The following CWC27 variants were observed in gnomAD, a reference collection of about 807,000 sequenced individuals.
CWC27 encodes the protein CWC27 spliceosome associated cyclophilin.
CWC27 carries 47 observed loss-of-function variants against 63.6 expected under a neutral mutation model. The ratio of observed to expected loss-of-function variants is 0.74; its 90% CI spans 0.58 to 0.94. The LOEUF is 0.94. Ranked by LOEUF, CWC27 falls within the 40% of genes least tolerant of loss-of-function variation. CWC27 has a pLI of 0.00. For synonymous variants in CWC27, 175 were observed against 179.8 expected (o/e 0.97, Z 0.22); for missense variants, 495 against 554.3 (o/e 0.89, Z 1.07).
chr5:64,986,323 T>G (rs2112454169), intron 13 of CWC27, among the ~76,000 whole-genome samples: 1 of 151,374 alleles, frequency 6.6e-6, no homozygotes, highest in Middle Eastern at 3.4e-3. Context: ...AAATAAGAAC[T>G]TCTATTATTT....
intron 11 of CWC27, among the ~76,000 whole-genome samples, chr5:64,951,326 A>T (rs1252889155): frequency 6.6e-6 from 1 of 151,912 alleles, no homozygotes. Flanking sequence ...ATGATCAATG[A>T]TGTTGAACAT....
intron 7 of CWC27, among the ~76,000 whole-genome samples, chr5:64,790,966 T>C (rs1283636408): frequency 6.6e-6 from 1 of 152,092 alleles, no homozygotes; most frequent in Admixed American, 6.6e-5. Context: ...GCTAGTTAAG[T>C]CTCTCATATG....
At chr5:64,832,792 C>T (rs534152699) in intron 10 of CWC27, among the ~76,000 whole-genome samples, 1 of 151,850 alleles carries the variant, frequency 6.6e-6, no homozygotes, top group Non-Finnish European at 1.5e-5. Flanking sequence ...ACCCTCAGTA[C>T]AAATGTCAAA....
intron 10 of CWC27, chr5:64,845,053 C>A (rs1745939666): frequency 2.2e-6 from 1 of 456,420 alleles, no homozygotes; most frequent in African/African-American, 2.0e-5. Flanking sequence ...AGTTTCTAGC[C>A]ATTAACTCTG....
chr5:64,801,700 G>C (rs111940064), intron 9 of CWC27, among the ~76,000 whole-genome samples: 5 of 152,186 alleles, frequency 3.3e-5, no homozygotes, highest in African/African-American at 1.2e-4. Context: ...TATGGGAAAT[G>C]CTTGGATCAG....
intron 11 of CWC27, among the ~76,000 whole-genome samples, chr5:64,933,921 G>C (rs73107297): frequency 0.093 from 14,220 of 152,174 alleles, 2,100 homozygotes; most frequent in African/African-American, 0.31. Context: ...ACACTGTTAA[G>C]TAATTTACAA....
At chr5:64,796,388 A>G (rs1444713908) in intron 7 of CWC27, among the ~76,000 whole-genome samples, 1 of 152,138 alleles carries the variant, frequency 6.6e-6, no homozygotes, top group Non-Finnish European at 1.5e-5. Context: ...CTCAGGGAAT[A>G]GTTGATAAAT....
chr5:64,780,370 T>TGTGA (rs57893759), intron 2 of CWC27, among the ~76,000 whole-genome samples: 82,404 of 150,786 alleles, frequency 0.55, 23,035 homozygotes, highest in East Asian at 0.86. Context: ...AACATTTGTG[T>TGTGA]GTATTTGAGT....
chr5:64,812,354 A>G (rs1318218336), intron 10 of CWC27, among the ~76,000 whole-genome samples: 1 of 152,126 alleles, frequency 6.6e-6, no homozygotes, highest in African/African-American at 2.4e-5. Context: ...GCAAAGAGTG[A>G]AATTAACTAG....
intron 10 of CWC27, among the ~76,000 whole-genome samples, chr5:64,880,151 A>T (rs1746902400): frequency 6.6e-6 from 1 of 151,906 alleles, no homozygotes; most frequent in South Asian, 2.1e-4. Context: ...TCTTCACTGA[A>T]TTTCAAAATG....
intron 10 of CWC27, among the ~76,000 whole-genome samples, chr5:64,856,145 T>G (rs936715890): frequency 1.3e-5 from 2 of 152,100 alleles, no homozygotes; most frequent in African/African-American, 2.4e-5. Flanking sequence ...TCATTTTCTT[T>G]TGAAAAAGCA....
chr5:64,827,925 C>T (rs1030111205), intron 10 of CWC27, among the ~76,000 whole-genome samples: 27 of 152,088 alleles, frequency 1.8e-4, no homozygotes, highest in South Asian at 6.2e-4. Flanking sequence ...AAGAATCGTT[C>T]CTTTGTGCAA....
chr5:64,814,542 A>G (rs1167846313), intron 10 of CWC27, among the ~76,000 whole-genome samples: 4 of 152,184 alleles, frequency 2.6e-5, no homozygotes, highest in Non-Finnish European at 5.9e-5. Flanking sequence ...ACTTTGTTTT[A>G]TGATCCTTCT....
intron 13 of CWC27, among the ~76,000 whole-genome samples, chr5:65,000,225 C>T (rs1749708623): frequency 6.6e-6 from 1 of 152,044 alleles, no homozygotes. Context: ...CTTTTATATT[C>T]TGGATATCAG....
At chr5:65,010,567 C>T (rs1415927250) in intron 13 of CWC27, among the ~76,000 whole-genome samples, 2 of 152,156 alleles carry the variant, frequency 1.3e-5, no homozygotes, top group Admixed American at 6.5e-5. Flanking sequence ...CAACACAGTA[C>T]ACTAACACAG....
At chr5:64,862,104 C>T (rs1746426005) in intron 10 of CWC27, among the ~76,000 whole-genome samples, 1 of 151,412 alleles carries the variant, frequency 6.6e-6, no homozygotes, top group Non-Finnish European at 1.5e-5. Flanking sequence ...ATCCTTTCTG[C>T]TAATTTAAGT....
intron 11 of CWC27, among the ~76,000 whole-genome samples, chr5:64,952,633 GT>G (rs1316697314): frequency 2.0e-5 from 3 of 151,784 alleles, no homozygotes; most frequent in African/African-American, 7.3e-5. Context: ...GTAATTTAAG[GT>G]TTATTGACAA....
At chr5:64,837,105 T>G (rs1387591982) in intron 10 of CWC27, among the ~76,000 whole-genome samples, 2 of 152,082 alleles carry the variant, frequency 1.3e-5, no homozygotes, top group African/African-American at 4.8e-5. Flanking sequence ...GGTTCACAAG[T>G]CATTCAAGCT....
intron 10 of CWC27, among the ~76,000 whole-genome samples, chr5:64,817,002 C>A (rs144726663): frequency 1.3e-5 from 2 of 152,228 alleles, no homozygotes; most frequent in East Asian, 1.9e-4. Context: ...ATCTACCTAT[C>A]TGCATCTGAA....
Sources: allele counts gnomAD v4.1 joint callset (sites outside exome capture counted in the v4.1 genomes callset), GRCh38; gene constraint gnomAD v4.1.1; transcripts MANE v1.5; gene names NCBI Gene and HGNC (gene_info 2026-07-23, HGNC 2026-07-21).